Variants in FOXP2 observed in about 807,000 individuals in gnomAD.
FOXP2 encodes forkhead box P2.
Under a neutral mutation model 115.8 loss-of-function variants are expected in FOXP2, and 12 were observed. That is an observed-to-expected ratio of 0.10 (90% CI 0.07 to 0.17). The LOEUF is 0.17. Among genes scored for constraint, FOXP2 ranks in the 10% least tolerant of loss-of-function variants. The pLI is 1.00. For missense variants in FOXP2, 629 were observed against 843.5 expected, an observed-to-expected ratio of 0.75 and a Z score of 3.15; for synonymous variants, 328 against 297.7, an observed-to-expected ratio of 1.10 and a Z score of -1.05.
At chr7:114,513,953 T>G (rs1189064940) in intron 2 of FOXP2, among the ~76,000 whole-genome samples, 1 of 152,056 alleles carries the variant, frequency 6.6e-6, no homozygotes, top group East Asian at 1.9e-4. Context: ...GTGAAAATAT[T>G]TATGACATTG....
chr7:114,580,519 A>G (rs577906758), intron 3 of FOXP2, among the ~76,000 whole-genome samples: 1 of 152,278 alleles, frequency 6.6e-6, no homozygotes, highest in African/African-American at 2.4e-5. Flanking sequence ...CAGAGGTTGC[A>G]GTGAGCTGAG....
At chr7:114,656,807 T>G (rs568337070) in intron 10 of FOXP2, among the ~76,000 whole-genome samples, 62 of 152,246 alleles carry the variant, frequency 4.1e-4, no homozygotes, top group African/African-American at 1.3e-3. Context: ...CAAATCTCTC[T>G]ACTGACTAAA....
At chr7:114,390,835 AT>A (rs1792579833) in intron 2 of FOXP2, among the ~76,000 whole-genome samples, 1 of 151,902 alleles carries the variant, frequency 6.6e-6, no homozygotes, top group African/African-American at 2.4e-5. Context: ...GGAATTACAG[AT>A]GTGGGCCACC....
At chr7:114,260,921 T>C (rs536810962) in intron 1 of FOXP2, among the ~76,000 whole-genome samples, 2 of 152,218 alleles carry the variant, frequency 1.3e-5, no homozygotes, top group African/African-American at 4.8e-5. Context: ...AAGAGCTGCA[T>C]ATTTTTGACA....
At chr7:114,374,941 A>G (rs970118416) in intron 2 of FOXP2, among the ~76,000 whole-genome samples, 25 of 152,172 alleles carry the variant, frequency 1.6e-4, no homozygotes, top group Admixed American at 2.6e-4. Context: ...GAGTGTCTTC[A>G]ATTGAAAACG....
At chr7:114,229,947 A>C (rs1794833497) in intron 1 of FOXP2, among the ~76,000 whole-genome samples, 1 of 151,750 alleles carries the variant, frequency 6.6e-6, no homozygotes, top group Non-Finnish European at 1.5e-5. Context: ...AATCAACAAA[A>C]CTAATAGTTG....
At chr7:114,564,733 T>C (rs1800921325) in intron 3 of FOXP2, among the ~76,000 whole-genome samples, 1 of 151,680 alleles carries the variant, frequency 6.6e-6, no homozygotes, top group Non-Finnish European at 1.5e-5. Flanking sequence ...CAAAGAAAAT[T>C]AGGTGAGCAT....
intron 3 of FOXP2, among the ~76,000 whole-genome samples, chr7:114,588,092 G>A (rs771254512): frequency 5.3e-5 from 8 of 151,608 alleles, no homozygotes; most frequent in East Asian, 2.0e-4. Context: ...AGCGGATCAC[G>A]AGGTCAGGAG....
intron 1 of FOXP2, among the ~76,000 whole-genome samples, chr7:114,133,077 T>C (rs1791934801): frequency 6.6e-6 from 1 of 151,882 alleles, no homozygotes; most frequent in Admixed American, 6.6e-5. Flanking sequence ...TAAACAAGAG[T>C]AGTAATAGTA....
chr7:114,176,238 T>C (rs951599053), intron 1 of FOXP2, among the ~76,000 whole-genome samples: 18 of 150,968 alleles, frequency 1.2e-4, no homozygotes, highest in Middle Eastern at 3.2e-3. Flanking sequence ...TGTCTTTTCT[T>C]TCTTTCTTTC....
Position 114,659,636 on chromosome 7 carries a change from C to A in FOXP2, c.1610C>A (p.Thr537Lys). ...LNEIYSWFTR[T>K]FAYFRRNAAT... ...GAAATTTACAGCTGGTTTACACGGA[C>A]ATTTGCTTACTTCAGGCGTAATGCA... Residue 537 changes from threonine to lysine, a missense_variant, in exon 13 of 17, where the codon ACA (threonine) becomes AAA (lysine). Transcript: ENST00000350908. 6.2e-7 allele frequency: 1 copy of A among 1,613,688 alleles called. No individual in the cohort carries two copies. The highest frequency in any genetic ancestry group is 8.5e-7 in the Non-Finnish European group (1 of 1,179,712).
chr7:114,671,948 C>G (rs1235248730), intron 16 of FOXP2, among the ~76,000 whole-genome samples: 1 of 152,160 alleles, frequency 6.6e-6, no homozygotes, highest in Non-Finnish European at 1.5e-5. Context: ...ACATGTTATA[C>G]TTGAATATTT....
intron 16 of FOXP2, among the ~76,000 whole-genome samples, chr7:114,677,125 C>T (rs1298023278): frequency 1.3e-5 from 2 of 148,262 alleles, no homozygotes; most frequent in Non-Finnish European, 3.0e-5. Flanking sequence ...AAGATCACGC[C>T]ACTGCACTCC....
rs1584533321 is a variant in FOXP2 at position 114,188,549 on chromosome 7, T to G, written c.-102+25461T>G. Among the ~76,000 whole-genome samples the G allele has an allele frequency of 2.0e-5, 3 of 152,292 alleles. No homozygotes were observed. The South Asian group carries it at 6.2e-4, about 32-fold the overall frequency. On this transcript the variant is annotated intron_variant, in intron 1 of 17. Transcript: ENST00000634411. ...ATAGGTAATAAAGGTAACTCCTCAATCCTTTTTTTTATAGCTAATTTCATG... is the reference window on the plus strand; with the variant it reads ...ATAGGTAATAAAGGTAACTCCTCAAGCCTTTTTTTTATAGCTAATTTCATG...
At chr7:114,096,046 G>T (rs1034584612) in intron 1 of FOXP2, among the ~76,000 whole-genome samples, 1 of 152,094 alleles carries the variant, frequency 6.6e-6, no homozygotes, top group African/African-American at 2.4e-5. Context: ...CATCTAGGTT[G>T]TTTTTTCCCT....
At chr7:114,306,778 C>T (rs1039436343) in intron 2 of FOXP2, among the ~76,000 whole-genome samples, 3 of 151,950 alleles carry the variant, frequency 2.0e-5, no homozygotes, top group Admixed American at 6.6e-5. Flanking sequence ...GGGAAGAATC[C>T]GATTTCTAGC....
chr7:114,174,639 A>G (rs1035282253), intron 1 of FOXP2, among the ~76,000 whole-genome samples: 14 of 152,068 alleles, frequency 9.2e-5, no homozygotes, highest in Non-Finnish European at 1.6e-4. Context: ...AAACAAGGTA[A>G]TTTATTTATT....
intron 2 of FOXP2, among the ~76,000 whole-genome samples, chr7:114,404,893 T>G (rs1037021556): frequency 6.6e-6 from 1 of 152,002 alleles, no homozygotes; most frequent in Non-Finnish European, 1.5e-5. Context: ...TGAAATTCCC[T>G]GCTGTTCGTG....
chr7:114,443,890 C>G (rs1312319873), intron 2 of FOXP2, among the ~76,000 whole-genome samples: 2 of 152,078 alleles, frequency 1.3e-5, no homozygotes, highest in African/African-American at 2.4e-5. Context: ...TATATGCATG[C>G]ATGTTTCTTT....
Sources: allele counts gnomAD v4.1 joint callset (sites outside exome capture counted in the v4.1 genomes callset), GRCh38; gene constraint gnomAD v4.1.1; transcripts MANE v1.5; gene names NCBI Gene and HGNC (gene_info 2026-07-23, HGNC 2026-07-21).